PUS7: variants seen among roughly 807,000 people sequenced by gnomAD.
PUS7 encodes the protein pseudouridylate synthase 7 homolog.
PUS7 carries 48 observed loss-of-function variants against 79.8 expected under a neutral mutation model. The observed-to-expected ratio is 0.60, with a 90% CI of 0.48 to 0.76. The LOEUF (loss-of-function observed/expected upper bound fraction) is 0.76, where lower values mean the gene tolerates loss of function less well. Ranked by LOEUF, PUS7 falls within the 30% of genes least tolerant of loss-of-function variation. The pLI, the probability that PUS7 is intolerant of heterozygous loss-of-function variation, is 0.00. For synonymous variants in PUS7, 286 were observed against 272.2 expected (o/e 1.05, Z -0.50); for missense variants, 729 against 797.6 (o/e 0.91, Z 1.04).
At chr7:105,484,440 T>A (rs576012375) in intron 7 of PUS7, among the ~76,000 whole-genome samples, 3 of 149,662 alleles carry the variant, frequency 2.0e-5, no homozygotes, top group African/African-American at 7.4e-5. Flanking sequence ...CACAGCAAGA[T>A]CCCATCTCTA....
At chr7:105,473,909 T>A (rs1371761125) in intron 9 of PUS7, among the ~76,000 whole-genome samples, 3 of 152,250 alleles carry the variant, frequency 2.0e-5, no homozygotes, top group Non-Finnish European at 2.9e-5. Context: ...TATTATTCAA[T>A]CTCTAAGAAA....
rs763490790 is a variant in PUS7, at chr7:105,481,060, C to G, written c.1167G>C (p.Gln389His). 1 of 1,607,916 alleles carries G rather than the reference C, an allele frequency of 6.2e-7. No homozygotes were observed. Among genetic ancestry groups the G allele is most frequent in the South Asian group, 1.1e-5 (1 of 89,666 alleles). The change falls in exon 9 of 16, where the codon CAG becomes CAC. Residue 389 changes from glutamine (Q) to histidine (H), a missense_variant. Physicochemically the swap from Gln to His is conservative, Grantham distance 24. Transcript: ENST00000469408. Reference sequence around the variant, plus strand: ...AGAAATTAAATACCAACCTTCCAACCTGATACGTAGGGACAGCTGTGGTTC... The same window carrying G: ...AGAAATTAAATACCAACCTTCCAACGTGATACGTAGGGACAGCTGTGGTTC... ...RFGTTAVPTY[Q>H]VGRAILQNSW...
chr7:105,485,788 C>T (rs1465883912), intron 7 of PUS7, among the ~76,000 whole-genome samples: 9 of 152,150 alleles, frequency 5.9e-5, no homozygotes, highest in Admixed American at 5.9e-4. Context: ...TATGAAATTG[C>T]TTTAAGTGCT....
intron 7 of PUS7, among the ~76,000 whole-genome samples, chr7:105,484,233 T>C (rs1270967375): frequency 6.6e-6 from 1 of 152,184 alleles, no homozygotes; most frequent in East Asian, 1.9e-4. Context: ...ATTATTTAGG[T>C]ACCCAAGCAT....
chr7:105,475,328 GGCGC>G (rs1442263573), intron 9 of PUS7, among the ~76,000 whole-genome samples: 1 of 152,100 alleles, frequency 6.6e-6, no homozygotes, highest in Non-Finnish European at 1.5e-5. Context: ...TGGGACTACA[GGCGC>G]GCGCCACCAC....
intron 1 of PUS7, among the ~76,000 whole-genome samples, chr7:105,518,637 T>C (rs1825987262): frequency 6.6e-6 from 1 of 152,160 alleles, no homozygotes; most frequent in African/African-American, 2.4e-5. Flanking sequence ...TGAGCTCAAG[T>C]GATCTGCCCT....
At chr7:105,475,311 A>G (rs146124069) in intron 9 of PUS7, among the ~76,000 whole-genome samples, 1,655 of 151,982 alleles carry the variant, frequency 0.011, 9 homozygotes, top group Middle Eastern at 0.024. Context: ...TCAGCCTCCC[A>G]AGTAGCTGGG....
intron 5 of PUS7, 167 bp from the exon 6 acceptor site, chr7:105,495,420 A>G (rs1824972516): frequency 2.0e-6 from 1 of 509,506 alleles, no homozygotes; most frequent in Non-Finnish European, 3.5e-6. Context: ...CATTTCCTGT[A>G]ATTGGACACT....
rs78004805 is a variant in PUS7, at chr7:105,464,361, G to C, written c.1627+952C>G. On this transcript the variant is annotated intron_variant, in intron 13 of 15. Transcript: ENST00000469408. ...ATCCAGGTGGTTTGGCATTTGATTA[G>C]AGTGACCGGACTGTGCCAGCTGTGT... Among the ~76,000 whole-genome samples the C allele has an allele frequency of 5.5e-3, 833 of 152,270 alleles. 8 individuals carry two copies. The highest frequency in any genetic ancestry group is 0.019 in the African/African-American group (801 of 41,536).
chr7:105,496,920 C>A, intron 5 of PUS7: 1 of 1,169,152 alleles, frequency 8.6e-7, no homozygotes, highest in Non-Finnish European at 1.1e-6. Context: ...TTTGGCATTT[C>A]ACTTTATCTA....
chr7:105,495,088 G>A, intron 6 of PUS7, 54 bp downstream of exon 6: 1 of 1,022,760 alleles, frequency 9.8e-7, no homozygotes, highest in South Asian at 1.4e-5. Flanking sequence ...ATGGAAAAAG[G>A]AATATACGTT....
At chr7:105,521,712 G>C (rs1345045114) in intron 1 of PUS7, among the ~76,000 whole-genome samples, 13 of 152,236 alleles carry the variant, frequency 8.5e-5, no homozygotes, top group Non-Finnish European at 2.9e-5. Flanking sequence ...CAAAGAAAGG[G>C]AGGAGTGGGA....
chr7:105,480,575 G>A (rs1357998765), intron 9 of PUS7, among the ~76,000 whole-genome samples: 1 of 151,862 alleles, frequency 6.6e-6, no homozygotes, highest in African/African-American at 2.4e-5. Context: ...TTGGGAGTTC[G>A]AGACCAGCCT....
chr7:105,480,463 T>G (rs141546121), intron 9 of PUS7, among the ~76,000 whole-genome samples: 6 of 150,804 alleles, frequency 4.0e-5, no homozygotes, highest in Admixed American at 6.6e-5. Flanking sequence ...CAACAAAGAT[T>G]CCATCTCAAA....
intron 5 of PUS7, among the ~76,000 whole-genome samples, chr7:105,501,449 T>C (rs1319042321): frequency 2.0e-5 from 3 of 152,210 alleles, no homozygotes; most frequent in East Asian, 3.8e-4. Flanking sequence ...TAGAAACTTT[T>C]GTGGCTGTAG....
intron 1 of PUS7, among the ~76,000 whole-genome samples, chr7:105,510,980 C>T (rs931458854): frequency 6.6e-6 from 1 of 151,914 alleles, no homozygotes; most frequent in Non-Finnish European, 1.5e-5. Context: ...AACAAGAAAG[C>T]CACCTATATA....
chr7:105,491,623 A>G lies in PUS7; in HGVS notation c.843-6T>C, dbSNP rs373048011. ...AGAATATATTTGGCTTGACTCTGGT[A>G]AGAGAGAAACAAGATCATCTGAAGT... On this transcript the variant is annotated splice_region_variant and splice_polypyrimidine_tract_variant and intron_variant, in intron 6 of 15. Coordinates refer to ENST00000469408, the MANE Select transcript of PUS7 (RefSeq NM_019042.5). The G allele has an allele frequency of 3.9e-6, 6 of 1,529,812 alleles. No homozygotes were observed. Among genetic ancestry groups the G allele is most frequent in the Non-Finnish European group, 5.4e-6 (6 of 1,104,796 alleles). The allele number at this position is 1,529,812 out of a possible 1,614,324, so 94.8% of individuals were successfully genotyped here.
At chr7:105,463,848 T>C (rs530352237) in intron 13 of PUS7, among the ~76,000 whole-genome samples, 2 of 152,238 alleles carry the variant, frequency 1.3e-5, no homozygotes, top group Admixed American at 1.3e-4. Context: ...TAGAATATTA[T>C]GCAATTCTTA....
chr7:105,460,566 T>C (rs939891205), intron 14 of PUS7, among the ~76,000 whole-genome samples: 1 of 152,050 alleles, frequency 6.6e-6, no homozygotes, highest in Non-Finnish European at 1.5e-5. Context: ...TTAAAATTTG[T>C]TTTTGAGGCC....
Sources: gnomAD v4.1 joint callset for allele counts (sites outside exome capture counted in the v4.1 genomes callset) on GRCh38, gnomAD v4.1.1 for gene constraint, MANE v1.5 for transcripts, NCBI Gene and HGNC (gene_info 2026-07-23, HGNC 2026-07-21) for gene names.